CAMKMT: variants seen among roughly 807,000 people sequenced by gnomAD.
CAMKMT encodes calmodulin-lysine N-methyltransferase, also known as CaM KMT.
A neutral mutation model predicts 48.0 loss-of-function variants in CAMKMT; 53 were observed. The ratio of observed to expected loss-of-function variants is 1.10; its 90% CI spans 0.89 to 1.39. CAMKMT has a LOEUF of 1.39. CAMKMT is among the 40% of genes most tolerant of loss of function. The pLI, the probability that CAMKMT is intolerant of heterozygous loss-of-function variation, is 0.00. For missense variants in CAMKMT, 428 were observed against 402.7 expected (o/e 1.06, Z -0.54); for synonymous variants, 165 against 152.3 (o/e 1.08, Z -0.61).
At chr2:44,671,646 A>C (rs774209632) in intron 3 of CAMKMT, among the ~76,000 whole-genome samples, 5 of 152,158 alleles carry the variant, frequency 3.3e-5, no homozygotes, top group African/African-American at 7.2e-5. Context: ...ACTGATTTAG[A>C]GACATCTCAT....
intron 3 of CAMKMT, among the ~76,000 whole-genome samples, chr2:44,565,709 A>G (rs1032690584): frequency 1.3e-5 from 2 of 150,520 alleles, no homozygotes; most frequent in Non-Finnish European, 3.0e-5. Flanking sequence ...TAAAAAAACA[A>G]AAAAAAAAAC....
At chr2:44,708,675 G>A (rs1398344285) in intron 6 of CAMKMT, among the ~76,000 whole-genome samples, 2 of 152,042 alleles carry the variant, frequency 1.3e-5, no homozygotes, top group African/African-American at 4.8e-5. Context: ...ATGAGCAGAT[G>A]TTTTTTCATT....
chr2:44,675,593 T>C (rs1033753602), intron 3 of CAMKMT, among the ~76,000 whole-genome samples: 1 of 152,236 alleles, frequency 6.6e-6, no homozygotes, highest in African/African-American at 2.4e-5. Context: ...ACGTCTTTTA[T>C]TGTCACATCA....
intron 3 of CAMKMT, among the ~76,000 whole-genome samples, chr2:44,463,070 A>T (rs1558634431): frequency 6.6e-6 from 1 of 152,232 alleles, no homozygotes; most frequent in East Asian, 1.9e-4. Flanking sequence ...AGGCCACAGT[A>T]TCAATCTTAT....
At chr2:44,644,412 G>A (rs530784713) in intron 3 of CAMKMT, among the ~76,000 whole-genome samples, 1 of 152,266 alleles carries the variant, frequency 6.6e-6, no homozygotes, top group East Asian at 1.9e-4. Context: ...CTTGGCTTGT[G>A]TGTTCTCTAA....
chr2:44,484,422 C>A (rs1020107540), intron 3 of CAMKMT, among the ~76,000 whole-genome samples: 1 of 151,796 alleles, frequency 6.6e-6, no homozygotes, highest in Non-Finnish European at 1.5e-5. Flanking sequence ...AATATACCCA[C>A]ATATATGTGG....
chr2:44,549,803 T>C lies in CAMKMT; in HGVS notation c.377-154480T>C, dbSNP rs891147542. 6.5e-5 allele frequency: 27 copies of C among 415,602 alleles called. 1 individual carries two copies. The highest frequency in any genetic ancestry group is 4.0e-4 in the Middle Eastern group (1 of 2,476). 25.7% of individuals were successfully genotyped at this position (415,602 alleles called of 1,614,324 possible). On this transcript the variant is annotated intron_variant, in intron 3 of 10. Transcript: ENST00000378494. ...AGACTTACATCCTAGAACAAAGACATAGGGGGCTTCTTCAACTGTGGCCAT... is the reference window on the plus strand; with the variant it reads ...AGACTTACATCCTAGAACAAAGACACAGGGGGCTTCTTCAACTGTGGCCAT...
rs187182841 is a variant in CAMKMT at position 44,422,192 on chromosome 2, C to T, written c.376+31887C>T. Reference sequence around the variant, plus strand: ...TCTGGTTGTTTAAAAGTGTGTAGCTCCTCGCTTGCACTGTCTCATGAGTAA... The same window carrying T: ...TCTGGTTGTTTAAAAGTGTGTAGCTTCTCGCTTGCACTGTCTCATGAGTAA... On this transcript the variant is annotated intron_variant, in intron 3 of 10. Coordinates refer to ENST00000378494, the MANE Select transcript of CAMKMT (RefSeq NM_024766.5). Among the ~76,000 whole-genome samples the T allele has an allele frequency of 3.0e-3, 462 of 152,256 alleles. 2 individuals carry two copies. The highest frequency in any genetic ancestry group is 0.014 in the Middle Eastern group (4 of 294).
chr2:44,499,763 T>C (rs566798455), intron 3 of CAMKMT, among the ~76,000 whole-genome samples: 1 of 152,294 alleles, frequency 6.6e-6, no homozygotes, highest in African/African-American at 2.4e-5. Flanking sequence ...TGTAGAACCA[T>C]GAAAATTTTG....
intron 3 of CAMKMT, among the ~76,000 whole-genome samples, chr2:44,598,199 A>G (rs748661185): frequency 6.6e-6 from 1 of 152,138 alleles, no homozygotes; most frequent in African/African-American, 2.4e-5. Flanking sequence ...TACACTTGTA[A>G]TATAAGGAAA....
chr2:44,534,639 C>G (rs546331737), intron 3 of CAMKMT, among the ~76,000 whole-genome samples: 1 of 152,054 alleles, frequency 6.6e-6, no homozygotes, highest in South Asian at 2.1e-4. Flanking sequence ...TGACCATTGA[C>G]TAAATGAAGA....
At chr2:44,470,991 T>G (rs1199285121) in intron 3 of CAMKMT, among the ~76,000 whole-genome samples, 1 of 119,852 alleles carries the variant, frequency 8.3e-6, no homozygotes, top group Non-Finnish European at 1.7e-5. Context: ...TCTCTCTCTC[T>G]CTCTTTTTTT....
intron 3 of CAMKMT, among the ~76,000 whole-genome samples, chr2:44,398,720 A>G (rs938177029): frequency 7.4e-6 from 1 of 134,514 alleles, no homozygotes; most frequent in East Asian, 2.0e-4. Flanking sequence ...TCACCCAAAG[A>G]GCTCAACTAA....
intron 3 of CAMKMT, among the ~76,000 whole-genome samples, chr2:44,452,320 C>T (rs375788214): frequency 3.3e-5 from 5 of 152,086 alleles, no homozygotes; most frequent in African/African-American, 1.2e-4. Context: ...AAGCTTCTAA[C>T]TAGGCATAGC....
chr2:44,470,679 A>T (rs942751351), intron 3 of CAMKMT, among the ~76,000 whole-genome samples: 1 of 152,202 alleles, frequency 6.6e-6, no homozygotes, highest in Non-Finnish European at 1.5e-5. Context: ...AGACAAAGTC[A>T]TTGCTAATAT....
At chr2:44,482,492 C>G (rs555528252) in intron 3 of CAMKMT, among the ~76,000 whole-genome samples, 2 of 152,176 alleles carry the variant, frequency 1.3e-5, no homozygotes, top group South Asian at 4.2e-4. Flanking sequence ...TTTCTGATTA[C>G]CTGGGTACTA....
At chr2:44,521,107 C>T (rs1391045217) in intron 3 of CAMKMT, among the ~76,000 whole-genome samples, 3 of 152,154 alleles carry the variant, frequency 2.0e-5, no homozygotes, top group African/African-American at 7.2e-5. Flanking sequence ...AACCTATCTC[C>T]ACAAGGTTGA....
chr2:44,532,005 G>T (rs1666509675), intron 3 of CAMKMT, among the ~76,000 whole-genome samples: 1 of 152,174 alleles, frequency 6.6e-6, no homozygotes. Context: ...AGTAATTGAG[G>T]ATTAGGACTC....
chr2:44,364,451 G>C (rs1678380342), intron 1 of CAMKMT, among the ~76,000 whole-genome samples: 1 of 152,056 alleles, frequency 6.6e-6, no homozygotes, highest in Non-Finnish European at 1.5e-5. Flanking sequence ...ATTATTTTAT[G>C]ATCATGTGAT....
Sources: allele counts gnomAD v4.1 joint callset (sites outside exome capture counted in the v4.1 genomes callset), GRCh38; gene constraint gnomAD v4.1.1; transcripts MANE v1.5; gene names NCBI Gene and HGNC (gene_info 2026-07-23, HGNC 2026-07-21).